AARS2: variants seen among roughly 807,000 people sequenced by gnomAD.
AARS2 encodes alanine--tRNA ligase, mitochondrial.
A neutral mutation model predicts 119.7 loss-of-function variants in AARS2; 78 were observed. The observed-to-expected ratio is 0.65, with a 90% confidence interval of 0.54 to 0.79. The LOEUF is 0.79. Among genes scored for constraint, AARS2 ranks in the 30% least tolerant of loss-of-function variants. AARS2 has a pLI of 0.00. For missense variants in AARS2, 1,157 were observed against 1,291.3 expected (o/e 0.90, Z 1.59); for synonymous variants, 502 against 526.3 (o/e 0.95, Z 0.63).
chr6:44,313,155 G>A lies in AARS2; in HGVS notation c.169C>T (p.Arg57Trp), dbSNP rs1786522321. The change falls in exon 1 of 22, where the codon CGG becomes TGG. Residue 57 changes from arginine (R) to tryptophan (W), a missense_variant. By Grantham distance (101) the Arg-to-Trp change is moderately radical. Transcript: ENST00000244571. ...CGCACGGAAGCGGAGGGCACCAGCC[G>A]GTGGCCATGGCGGTCCCGAAAGAAG... ...LNFFRDRHGH[R>W]LVPSASVRPR... The A allele has an allele frequency of 1.7e-5, 28 of 1,613,096 alleles. No individual in the cohort carries two copies. The highest frequency in any genetic ancestry group is 1.7e-4 in the Middle Eastern group (1 of 6,060).
intron 5 of AARS2, among the ~76,000 whole-genome samples, chr6:44,309,906 C>T (rs1376302252): frequency 6.6e-6 from 1 of 152,198 alleles, no homozygotes. Context: ...TTCCTAGTTA[C>T]TTTCACCCAT....
rs1397440214 is a variant in AARS2 at position 44,305,840 on chromosome 6, G to C, written c.1301-54C>G. 53 of 1,607,240 alleles carry C rather than the reference G, an allele frequency of 3.3e-5. No homozygotes were observed. The highest frequency in any genetic ancestry group is 4.5e-5 in the Non-Finnish European group (53 of 1,174,492). ...AGGAGGGGAGGGATTAGACAAAGAA[G>C]GGGAGAAAAATAAGGTCCAGGGCCC... is the stretch of plus-strand genomic sequence containing the variant. On this transcript the variant is annotated intron_variant, in intron 9 of 21. Transcript: ENST00000244571. The surrounding 1 kb of genome is among the most constrained non-coding windows in gnomAD (Gnocchi z 4.6).
rs755097151 is a variant in AARS2, at chr6:44,313,256, C to T, written c.68G>A (p.Arg23Gln). 1.3e-6 allele frequency: 2 copies of T among 1,594,896 alleles called. No individual in the cohort carries two copies. The highest frequency in any genetic ancestry group is 2.2e-5 in the South Asian group (2 of 89,308). Residue 23 changes from arginine to glutamine, a missense_variant, in exon 1 of 22, where the codon CGG (arginine) becomes CAG (glutamine). By Grantham distance (43) the Arg-to-Gln change is conservative. Transcript: ENST00000244571. The stretch of plus-strand genomic sequence containing the variant: ...TGAGAGCGGCCGATGGCTGAGGCCC[C>T]GCCATGCGGGCGACCTTCGAATGGC... ...RRAIRRSPAW[R>Q]GLSHRPLSSE...
At chr6:44,300,776 T>A in intron 21 of AARS2, 65 bp from the exon 22 acceptor site, 8 of 1,572,228 alleles carry the variant, frequency 5.1e-6, no homozygotes, top group Middle Eastern at 2.0e-4. Flanking sequence ...CCACTCAAGG[T>A]ACCCTCAAGA....
chr6:44,310,480 A>G, intron 4 of AARS2, 37 bp from the exon 5 acceptor site: 1 of 1,610,460 alleles, frequency 6.2e-7, no homozygotes, highest in East Asian at 2.2e-5. Context: ...GGCCCCACCC[A>G]GGATTACAGG....
At chr6:44,309,579 C>G (rs1270534623) in intron 5 of AARS2, among the ~76,000 whole-genome samples, 1 of 152,194 alleles carries the variant, frequency 6.6e-6, no homozygotes, top group Non-Finnish European at 1.5e-5. Flanking sequence ...ATAAGCTACA[C>G]ACATGTGGAA....
chr6:44,310,664 G>A (rs1332633417), intron 4 of AARS2, among the ~76,000 whole-genome samples: 1 of 152,176 alleles, frequency 6.6e-6, no homozygotes, highest in Non-Finnish European at 1.5e-5. Flanking sequence ...ACCCCTGCTT[G>A]GGCCCTTGCC....
chr6:44,306,490 G>C lies in AARS2; in HGVS notation c.1188+4C>G. ...CCCCTTTCTCTCCCACTGGAATCCA[G>C]TACCTGGGCTGAGTTCCTTTGCAGT... On this transcript the variant is annotated splice_donor_region_variant and intron_variant, in intron 8 of 21. Transcript: ENST00000244571. 1 of 1,614,070 alleles carries C rather than the reference G, an allele frequency of 6.2e-7. No individual in the cohort carries two copies. Among genetic ancestry groups the C allele is most frequent in the South Asian group, 1.1e-5 (1 of 91,086 alleles).
chr6:44,312,301 C>G (rs772238839), intron 1 of AARS2, 38 bp from the exon 2 acceptor site: 1 of 1,596,650 alleles, frequency 6.3e-7, no homozygotes, highest in Non-Finnish European at 8.6e-7. Context: ...AGAGGGATAT[C>G]CAATTTCTCA....
Position 44,302,860 on chromosome 6 carries a change from C to A in AARS2, c.2306G>T (p.Arg769Leu). 6.2e-7 allele frequency: 1 copy of A among 1,614,058 alleles called. No homozygotes were observed. Among genetic ancestry groups the A allele is most frequent in the Non-Finnish European group, 8.5e-7 (1 of 1,180,012 alleles). The change falls in exon 17 of 22, where the codon CGC becomes CTC. Residue 769 changes from arginine to leucine, a missense_variant. By Grantham distance (102) the Arg-to-Leu change is moderately radical (BLOSUM62 -2). Transcript: ENST00000244571. The stretch of plus-strand genomic sequence containing the variant: ...GCGGGTAGTGCCCTTGGAAAGCTGG[C>A]GGTCCCCGATGATAACCAGGTCCCC... ...AVGDLVIIGD[R>L]QLSKGTTRLL...
chr6:44,307,147 TTCC>T lies in AARS2; in HGVS notation c.1040+99_1040+101del. On this transcript the variant is annotated intron_variant, in intron 6 of 21. Coordinates refer to ENST00000244571, the MANE Select transcript of AARS2 (RefSeq NM_020745.4). This position sits in a 1 kb window ranked among gnomAD's most constrained non-coding sequence, Gnocchi z 4.4. The stretch of plus-strand genomic sequence containing the variant: ...CACCTCAAAGCTCTCCCTCTCCCCA[TTCC>T]TCCTACTGGCTCAACCAGACCCACC... 1 of 1,594,002 alleles carries T rather than the reference TTCC, an allele frequency of 6.3e-7. No homozygotes were observed. Among genetic ancestry groups the T allele is most frequent in the Non-Finnish European group, 8.6e-7 (1 of 1,167,026 alleles).
intron 7 of AARS2, 119 bp downstream of exon 7, chr6:44,306,804 G>A (rs1465719354): frequency 3.1e-6 from 3 of 972,642 alleles, no homozygotes; most frequent in Non-Finnish European, 4.9e-6. Context: ...AGGATGCTGG[G>A]CTCGATATTT....
intron 21 of AARS2, 109 bp downstream of exon 21, chr6:44,301,047 C>T: frequency 1.9e-6 from 2 of 1,032,916 alleles, no homozygotes; most frequent in Non-Finnish European, 2.8e-6. Flanking sequence ...CTCATAGATA[C>T]TTCCACCCAG....
rs35562884 is a variant in AARS2 at position 44,299,262 on chromosome 6, CTTT to C, written c.*1282_*1284del. Among the ~76,000 whole-genome samples the C allele has an allele frequency of 3.3e-5, 5 of 150,862 alleles. No individual in the cohort carries two copies. The highest frequency in any genetic ancestry group is 1.2e-4 in the African/African-American group (5 of 40,626). On this transcript the variant is annotated 3_prime_UTR_variant, in exon 22 of 22. Transcript: ENST00000244571. ...ATCACCATCTGACACTTTCTCCCTT[CTTT>C]TTTTTAAGACAGGGTCTCACTCTGT... is the stretch of plus-strand genomic sequence containing the variant.
chr6:44,311,980 T>C, intron 2 of AARS2, 92 bp downstream of exon 2: 4 of 1,485,222 alleles, frequency 2.7e-6, no homozygotes, highest in Non-Finnish European at 3.7e-6. Flanking sequence ...TGCCTCCACA[T>C]CTGGTATGAG....
At chr6:44,300,784 A>T in intron 21 of AARS2, 73 bp from the exon 22 acceptor site, 1 of 1,555,616 alleles carries the variant, frequency 6.4e-7, no homozygotes, top group Non-Finnish European at 8.7e-7. Context: ...GGTACCCTCA[A>T]GAGTGGAGCT....
chr6:44,310,321 G>A lies in AARS2; in HGVS notation c.872C>T (p.Pro291Leu), dbSNP rs199985183. The A allele has an allele frequency of 1.2e-5, 20 of 1,607,558 alleles. No homozygotes were observed. The East Asian group carries it at 3.4e-4, about 27-fold the overall frequency. The change falls in exon 5 of 22, where the codon CCG (proline) becomes CTG (leucine). Residue 291 changes from proline to leucine, a missense_variant. By Grantham distance (98) the Pro-to-Leu change is moderately conservative (BLOSUM62 -3). Transcript: ENST00000244571. ...HSTYDTDLFS[P>L]LLNAIQQGCR... Reference sequence around the variant, plus strand: ...CACCTGCTGTATGGCGTTGAGCAGCGGGGAAAAGAGGTCAGTGTCATAGGT... The same window carrying A: ...CACCTGCTGTATGGCGTTGAGCAGCAGGGAAAAGAGGTCAGTGTCATAGGT...
rs1055514184 is a variant in AARS2 at position 44,304,305 on chromosome 6, C to A, written c.1883G>T (p.Cys628Phe). 2 of 1,614,100 alleles carry A rather than the reference C, an allele frequency of 1.2e-6. No homozygotes were observed. Among genetic ancestry groups the A allele is most frequent in the African/African-American group, 2.7e-5 (2 of 74,930 alleles). ...GTGGGTGGCCGTATGCTTCGCCATG[C>A]AGCCTAGACGCCAGGCCTGAAATAC... ...LHVDEAWRLG[C>F]MAKHTATHLL... is the part of the protein sequence containing the mutation. Residue 628 changes from cysteine to phenylalanine, a missense_variant, in exon 14 of 22, where the codon TGC becomes TTC. By Grantham distance (205) the Cys-to-Phe change is radical. Coordinates refer to ENST00000244571, the MANE Select transcript of AARS2 (RefSeq NM_020745.4).
At chr6:44,311,629 TAAGAC>T in intron 2 of AARS2, 94 bp from the exon 3 acceptor site, 1 of 1,441,216 alleles carries the variant, frequency 6.9e-7, no homozygotes, top group Non-Finnish European at 9.6e-7. Context: ...GCTCCCGACT[TAAGAC>T]AAAAGCATTT....
Sources: gnomAD v4.1 joint callset for allele counts (sites outside exome capture counted in the v4.1 genomes callset) on GRCh38, gnomAD v4.1.1 for gene constraint, Gnocchi (gnomAD v3.1) non-coding constraint, MANE v1.5 for transcripts, NCBI Gene and HGNC (gene_info 2026-07-23, HGNC 2026-07-21) for gene names.